The following COL1A2 variants were observed in gnomAD, a reference collection of about 807,000 sequenced individuals.
COL1A2 encodes collagen alpha-2(I) chain.
A neutral mutation model predicts 174.3 loss-of-function variants in COL1A2; 49 were observed. The ratio of observed to expected loss-of-function variants is 0.28; its 90% CI spans 0.22 to 0.36. The LOEUF is 0.36. COL1A2 is among the 10% of genes least tolerant of loss of function. The pLI is 1.00. For synonymous variants in COL1A2, 655 were observed against 606.6 expected (o/e 1.08, Z -1.17); for missense variants, 1,438 against 1,822.7 (o/e 0.79, Z 3.84).
intron 47 of COL1A2, 27 bp downstream of exon 47, chr7:94,427,088 C>T (rs1792294894): frequency 1.2e-6 from 2 of 1,613,316 alleles, no homozygotes; most frequent in South Asian, 1.1e-5. Flanking sequence ...GAAGACAGTT[C>T]ATCTCTGAAA....
chr7:94,417,391 C>T, intron 31 of COL1A2: 2 of 353,942 alleles, frequency 5.7e-6, no homozygotes, highest in Middle Eastern at 9.4e-4. Flanking sequence ...GAGACTTATC[C>T]TTGAAAAATG....
Position 94,427,196 on chromosome 7 carries a change from T to C in COL1A2, c.3168T>C (p.Ala1056=). 4 of 1,614,082 alleles carry C rather than the reference T, an allele frequency of 2.5e-6. No individual in the cohort carries two copies. The highest frequency in any genetic ancestry group is 1.1e-5 in the South Asian group (1 of 91,052). ...GTGTCTGTCTTCCTTAGGGCCCTGC[T>C]GGTCCTTCTGGCCCTGCTGGAAAAG... ...SVGPAGPRGP[A]GPSGPAGKDG... Residue 1056 remains alanine (A), a synonymous_variant, in exon 48 of 52, where the codon GCT becomes GCC. Transcript: ENST00000297268.
intron 29 of COL1A2, among the ~76,000 whole-genome samples, chr7:94,415,005 G>A (rs1261910230): frequency 6.6e-6 from 1 of 152,098 alleles, no homozygotes; most frequent in Non-Finnish European, 1.5e-5. Context: ...CAAATTTTTT[G>A]ATACCAAGTT....
intron 4 of COL1A2, among the ~76,000 whole-genome samples, chr7:94,399,872 T>C (rs1182244145): frequency 1.1e-4 from 17 of 152,212 alleles, no homozygotes; most frequent in Admixed American, 7.9e-4. Context: ...ATGTAAGTCC[T>C]TGTGCACTGT....
At chr7:94,401,720 A>T in intron 6 of COL1A2, 100 bp downstream of exon 6, 1 of 760,932 alleles carries the variant, frequency 1.3e-6, no homozygotes, top group South Asian at 1.6e-5. Flanking sequence ...CTAAGTTAAC[A>T]CTCAATACTT....
chr7:94,428,381 G>C lies in COL1A2; in HGVS notation c.3615G>C (p.Arg1205=). ...CDFSTGETCI[R]AQPENIPAKN... ...TCTCTACTGGCGAAACCTGTATCCG[G>C]GCCCAACCTGAAAACATCCCAGCCA... The change falls in exon 50 of 52, where the codon CGG becomes CGC. Residue 1205 remains arginine, a synonymous_variant. Transcript: ENST00000297268. 1 of 1,614,034 alleles carries C rather than the reference G, an allele frequency of 6.2e-7. No homozygotes were observed. The highest frequency in any genetic ancestry group is 8.5e-7 in the Non-Finnish European group (1 of 1,179,980).
Position 94,410,482 on chromosome 7 carries a change from T to A in COL1A2, c.1152T>A (p.Asn384Lys). The A allele has an allele frequency of 6.5e-7, 1 of 1,550,232 alleles. No individual in the cohort carries two copies. Among genetic ancestry groups the A allele is most frequent in the Non-Finnish European group, 8.7e-7 (1 of 1,147,056 alleles). Residue 384 changes from asparagine (N) to lysine (K), a missense_variant, in exon 21 of 52, where the codon AAT (asparagine) becomes AAA (lysine). This residue lies in a region of COL1A2 where 867 missense variants were observed against 1,213.7 expected (regional missense o/e 0.71). Transcript: ENST00000297268. ...GTGAAGAAGGAAAGAGAGGCCCTAATGGGGAAGCTGGATCTGCCGGCCCTC... is the reference window on the plus strand; with the variant it reads ...GTGAAGAAGGAAAGAGAGGCCCTAAAGGGGAAGCTGGATCTGCCGGCCCTC... ...PSGEEGKRGP[N>K]GEAGSAGPPG...
intron 23 of COL1A2, among the ~76,000 whole-genome samples, chr7:94,411,855 A>C (rs1791935685): frequency 6.6e-6 from 1 of 152,210 alleles, no homozygotes; most frequent in South Asian, 2.1e-4. Context: ...AGTTGCACTA[A>C]ATTTCAATAA....
At chr7:94,410,187 A>G in intron 19 of COL1A2, 55 bp from the exon 20 acceptor site, 2 of 1,568,520 alleles carry the variant, frequency 1.3e-6, no homozygotes, top group Non-Finnish European at 8.8e-7. Context: ...ATTTGTCTGC[A>G]AGAGAGTTTC....
At chr7:94,398,206 T>G (rs892617261) in intron 2 of COL1A2, among the ~76,000 whole-genome samples, 176 bp from the exon 3 acceptor site, 1 of 152,066 alleles carries the variant, frequency 6.6e-6, no homozygotes, top group Non-Finnish European at 1.5e-5. Flanking sequence ...CATATTTTTA[T>G]TTGACATGTT....
chr7:94,399,942 G>C (rs1457750756), intron 4 of COL1A2: 1 of 563,210 alleles, frequency 1.8e-6, no homozygotes, highest in Non-Finnish European at 3.2e-6. Context: ...TTTGAATACT[G>C]GAGCTTCAGT....
In COL1A2 at chr7:94,425,625, G is replaced by A. The variant is rs779358259; in HGVS notation, c.2797G>A (p.Asp933Asn). ...GTCTTCACAGGGCAACCCTGGGAAC[G>A]ATGGTCCCCCAGGTCGCGATGGTCA... ...EAGRDGNPGN[D>N]GPPGRDGQPG... Residue 933 changes from aspartate to asparagine, a missense_variant, in exon 43 of 52, where the codon GAT (aspartate) becomes AAT (asparagine). Around this residue, in one of 3 missense-constraint regions of COL1A2, gnomAD observed 867 missense variants for 1,213.7 expected, o/e 0.71. Transcript: ENST00000297268. 1.4e-5 allele frequency: 22 copies of A among 1,614,084 alleles called. No individual in the cohort carries two copies. The highest frequency in any genetic ancestry group is 4.5e-5 in the East Asian group (2 of 44,888).
At chr7:94,410,827 C>T (rs1026154963) in intron 21 of COL1A2, 62 bp from the exon 22 acceptor site, 2 of 1,564,502 alleles carry the variant, frequency 1.3e-6, no homozygotes, top group East Asian at 2.2e-5. Flanking sequence ...TTTTTACAAA[C>T]TCTACCTTAT....
intron 40 of COL1A2, chr7:94,423,506 A>G (rs1316639757): frequency 1.0e-5 from 2 of 198,270 alleles, no homozygotes; most frequent in African/African-American, 4.7e-5. Flanking sequence ...AGGTGCCCCT[A>G]TTAGACCTTA....
At position 94,420,947 on chromosome 7, in the gene COL1A2, AAAAG is replaced by A. The variant is rs1412769254; in HGVS notation, c.2296-60_2296-57del. 2.8e-5 allele frequency: 41 copies of A among 1,479,506 alleles called. No individual in the cohort carries two copies. The African/African-American group carries it at 5.3e-4, about 19-fold the overall frequency. 91.6% of individuals were successfully genotyped at this position (1,479,506 alleles called of 1,614,324 possible). ...AGATGCGGGAATGATCCACTTGAAG[AAAAG>A]AGTAGCATTTACAAGGGTTTGTTTG... On this transcript the variant is annotated intron_variant, in intron 37 of 51. Transcript: ENST00000297268.
At chr7:94,424,281 C>T in intron 40 of COL1A2, 55 bp from the exon 41 acceptor site, 1 of 1,456,786 alleles carries the variant, frequency 6.9e-7, no homozygotes, top group Non-Finnish European at 9.6e-7. Context: ...TCAAGCCAAC[C>T]TGTGTTATCA....
chr7:94,411,225 T>A, intron 23 of COL1A2, 71 bp downstream of exon 23: 2 of 1,197,300 alleles, frequency 1.7e-6, no homozygotes, highest in Non-Finnish European at 2.4e-6. Context: ...TGGTTAATAT[T>A]GAAGATAACA....
intron 21 of COL1A2, 47 bp downstream of exon 21, chr7:94,410,574 A>T: frequency 6.9e-7 from 1 of 1,452,582 alleles, no homozygotes; most frequent in Non-Finnish European, 9.4e-7. Context: ...GAGGCAGATT[A>T]TGATACCCCT....
At chr7:94,400,817 C>T (rs969088560) in intron 5 of COL1A2, among the ~76,000 whole-genome samples, 2 of 152,120 alleles carry the variant, frequency 1.3e-5, no homozygotes, top group Admixed American at 1.3e-4. Flanking sequence ...GCCAAATGAC[C>T]TCACTGCAGG....
Sources: allele counts gnomAD v4.1 joint callset (sites outside exome capture counted in the v4.1 genomes callset), GRCh38; gene constraint gnomAD v4.1.1; regional missense constraint gnomAD v4.1.1; transcripts MANE v1.5; gene names NCBI Gene and HGNC (gene_info 2026-07-23, HGNC 2026-07-21).